VWA3B: variants seen among roughly 807,000 people sequenced by gnomAD.
The protein encoded by VWA3B is von Willebrand factor A domain-containing protein 3B.
A neutral mutation model predicts 158.3 loss-of-function variants in VWA3B; 138 were observed. The observed-to-expected ratio is 0.87, with a 90% CI of 0.76 to 1.00. The LOEUF is 1.00. Ranked by LOEUF, VWA3B falls within the 50% of genes least tolerant of loss-of-function variation. The pLI, the probability that VWA3B is intolerant of heterozygous loss-of-function variation, is 0.00. For missense variants in VWA3B, 1,555 were observed against 1,565.1 expected (o/e 0.99, Z 0.11); for synonymous variants, 596 against 587.3 (o/e 1.01, Z -0.21).
At chr2:98,123,364 T>A (rs1675114301) in intron 5 of VWA3B, among the ~76,000 whole-genome samples, 1 of 152,120 alleles carries the variant, frequency 6.6e-6, no homozygotes, top group Non-Finnish European at 1.5e-5. Context: ...AACATGCAAG[T>A]CCCGTTTCTA....
In VWA3B at chr2:98,303,726, A is replaced by T. The variant is rs1453129814; in HGVS notation, c.3445A>T (p.Ile1149Phe). Residue 1149 changes from isoleucine (I) to phenylalanine (F), a missense_variant, in exon 26 of 28, where the codon ATT becomes TTT. Transcript: ENST00000477737. ...RREFCPRSAL[I>F]KISQNKYALS... is the part of the protein sequence containing the mutation. ...GGAATTTTGCCCTCGGAGTGCACTT[A>T]TTAAGATCAGCCAAAACAAGTATGC... The T allele has an allele frequency of 6.2e-7, 1 of 1,614,190 alleles. No homozygotes were observed. The highest frequency in any genetic ancestry group is 1.3e-5 in the African/African-American group (1 of 75,058).
rs150778038 is a variant in VWA3B at position 98,134,019 on chromosome 2, C to T, written c.988+80C>T. 1,155 of 1,166,466 alleles carry T rather than the reference C, an allele frequency of 9.9e-4. 9 individuals are homozygous for T. The highest frequency in any genetic ancestry group is 1.9e-4 in the Non-Finnish European group (150 of 779,822). 72.3% of individuals were successfully genotyped at this position (1,166,466 alleles called of 1,614,324 possible). A position where few individuals can be genotyped will look rare whatever the true frequency, so the allele number is the denominator to read the frequency against. ...ACGTGGATCATTAGGAAGTAAAGTA[C>T]GAGGGAGAGACTCCCCATGTCTTTT... On this transcript the variant is annotated intron_variant, in intron 7 of 27. Transcript: ENST00000477737.
At chr2:98,269,214 G>A (rs1688051699) in intron 21 of VWA3B, 2 of 152,084 alleles carry the variant, frequency 1.3e-5, no homozygotes, top group South Asian at 4.1e-4. Flanking sequence ...CCTCTTACAG[G>A]TGAAGGGCTT....
intron 6 of VWA3B, among the ~76,000 whole-genome samples, chr2:98,128,856 C>T (rs1157027019): frequency 2.6e-5 from 4 of 152,230 alleles, no homozygotes; most frequent in Non-Finnish European, 5.9e-5. Flanking sequence ...AAATAGCCTG[C>T]TTACCCTTCC....
At chr2:98,174,781 C>G (rs577154940) in intron 8 of VWA3B, among the ~76,000 whole-genome samples, 152 of 152,200 alleles carry the variant, frequency 1.0e-3, no homozygotes, top group African/African-American at 3.6e-3. Flanking sequence ...TTGGGCTGAC[C>G]CTGAGGCTCT....
chr2:98,108,613 C>T (rs144174386), intron 2 of VWA3B, among the ~76,000 whole-genome samples: 4 of 152,062 alleles, frequency 2.6e-5, no homozygotes, highest in Non-Finnish European at 5.9e-5. Context: ...CTGCTCTGTC[C>T]CCAGTAATAT....
intron 8 of VWA3B, chr2:98,179,240 T>C (rs1339886566): frequency 6.4e-6 from 3 of 471,110 alleles, no homozygotes; most frequent in Admixed American, 2.3e-5. Context: ...TCATTCTCCC[T>C]TAGGTGCTGT....
At chr2:98,239,653 A>G (rs1471764601) in intron 19 of VWA3B, among the ~76,000 whole-genome samples, 1 of 151,926 alleles carries the variant, frequency 6.6e-6, no homozygotes, top group African/African-American at 2.4e-5. Flanking sequence ...GGTGGCTCAC[A>G]CCTATAATTC....
Position 98,162,920 on chromosome 2 carries a change from A to G in VWA3B, c.1058A>G (p.Gln353Arg). The change falls in exon 8 of 28, where the codon CAG becomes CGG. Residue 353 changes from glutamine to arginine, a missense_variant. By Grantham distance (43) the Gln-to-Arg change is conservative (BLOSUM62 1). Coordinates refer to ENST00000477737, the MANE Select transcript of VWA3B (RefSeq NM_144992.5). Reference protein sequence around the residue: ...EMEEACSTLAQIQRLVAEPPK... With the variant: ...EMEEACSTLARIQRLVAEPPK... ...GAGGAAGCCTGCAGCACGCTGGCCC[A>G]GATCCAGAGGCTGGTGGCCGAGCCT... 1 of 1,614,102 alleles carries G rather than the reference A, an allele frequency of 6.2e-7. No homozygotes were observed. The highest frequency in any genetic ancestry group is 8.5e-7 in the Non-Finnish European group (1 of 1,180,038).
intron 14 of VWA3B, 32 bp downstream of exon 14, chr2:98,218,060 T>C (rs368725962): frequency 7.5e-5 from 118 of 1,568,762 alleles, no homozygotes; most frequent in Non-Finnish European, 9.9e-5. Flanking sequence ...AAGGGAGTGT[T>C]CATTTGTTTG....
At chr2:98,276,891 C>A (rs867701410) in intron 22 of VWA3B, among the ~76,000 whole-genome samples, 35 of 152,194 alleles carry the variant, frequency 2.3e-4, no homozygotes, top group Admixed American at 1.2e-3. Context: ...CGCCCCATAG[C>A]TGCCTTGCCG....
Position 98,188,029 on chromosome 2 carries a change from C to G in VWA3B, c.1366C>G (p.Pro456Ala). 5.6e-6 allele frequency: 9 copies of G among 1,613,934 alleles called. No individual in the cohort carries two copies. The highest frequency in any genetic ancestry group is 7.6e-6 in the Non-Finnish European group (9 of 1,179,978). Reference sequence around the variant, plus strand: ...ATATTGCAGCAGGTTTGTCCATGCTCCCTGGAAGGATGGGAGCTTGGTCCA... The same window carrying G: ...ATATTGCAGCAGGTTTGTCCATGCTGCCTGGAAGGATGGGAGCTTGGTCCA... ...AKYCSRFVHAPWKDGSLVHVN... is the reference protein window; with the variant it reads ...AKYCSRFVHAAWKDGSLVHVN... The change falls in exon 10 of 28, where the codon CCC becomes GCC. Residue 456 changes from proline (P) to alanine (A), a missense_variant. Coordinates refer to ENST00000477737, the MANE Select transcript of VWA3B (RefSeq NM_144992.5).
chr2:98,127,622 G>A (rs950241845), intron 5 of VWA3B, among the ~76,000 whole-genome samples: 4 of 144,888 alleles, frequency 2.8e-5, no homozygotes, highest in African/African-American at 1.0e-4. Context: ...TCCTGACACA[G>A]GGGTTGCTTA....
chr2:98,160,382 T>C (rs569204328), intron 7 of VWA3B, among the ~76,000 whole-genome samples: 2 of 152,326 alleles, frequency 1.3e-5, no homozygotes, highest in South Asian at 4.1e-4. Context: ...CTTGTGTTGC[T>C]CTCTGATCAC....
intron 13 of VWA3B, among the ~76,000 whole-genome samples, chr2:98,213,074 A>T (rs912067107): frequency 2.0e-5 from 3 of 152,220 alleles, no homozygotes; most frequent in Non-Finnish European, 4.4e-5. Context: ...GGCAGGTTCC[A>T]GCGAGGCGGG....
Position 98,230,101 on chromosome 2 carries a change from G to T in VWA3B, c.2202G>T (p.Lys734Asn). ...TTTCAACCCCAGAAAAGTGTGCAAA[G>T]CCTCAATCTGATGTCGATTCAACAC... ...SMISTPEKCA[K>N]PQSDVDSTQT... is the part of the protein sequence containing the mutation. The change falls in exon 16 of 28, where the codon AAG becomes AAT. Residue 734 changes from lysine (K) to asparagine (N), a missense_variant. Coordinates refer to ENST00000477737, the MANE Select transcript of VWA3B (RefSeq NM_144992.5). The T allele has an allele frequency of 6.2e-7, 1 of 1,610,628 alleles. No homozygotes were observed. Among genetic ancestry groups the T allele is most frequent in the Non-Finnish European group, 8.5e-7 (1 of 1,179,222 alleles).
the VWA3B span, among the ~76,000 whole-genome samples, chr2:98,329,321 G>A: frequency 4.6e-5 from 7 of 152,140 alleles, no homozygotes; most frequent in South Asian, 2.1e-4. Flanking sequence ...AAACATAAAC[G>A]AAAAAATTGA....
chr2:98,312,719 A>C lies in VWA3B; in HGVS notation c.*370A>C. The C allele has an allele frequency of 5.3e-6, 1 of 187,656 alleles. No homozygotes were observed. Among genetic ancestry groups the C allele is most frequent in the Non-Finnish European group, 1.1e-5 (1 of 90,764 alleles). The allele number at this position is 187,656 out of a possible 1,614,324, so 11.6% of individuals were successfully genotyped here. A position where few individuals can be genotyped will look rare whatever the true frequency, so the allele number is the denominator to read the frequency against. ...GATCCAAGCCCGCAATCTTGTTTTA[A>C]ATTAATTATCACATCTAAATTAGAG... On this transcript the variant is annotated 3_prime_UTR_variant, in exon 28 of 28. Coordinates refer to ENST00000477737, the MANE Select transcript of VWA3B (RefSeq NM_144992.5).
chr2:98,245,822 C>T (rs542066082), intron 19 of VWA3B, among the ~76,000 whole-genome samples: 11 of 152,012 alleles, frequency 7.2e-5, no homozygotes, highest in Non-Finnish European at 1.2e-4. Context: ...TTTTTTTCTT[C>T]TAAAAGTTTA....
Sources: gnomAD v4.1 joint callset for allele counts (sites outside exome capture counted in the v4.1 genomes callset) on GRCh38, gnomAD v4.1.1 for gene constraint, MANE v1.5 for transcripts, NCBI Gene and HGNC (gene_info 2026-07-23, HGNC 2026-07-21) for gene names.